The following TBC1D2B variants were observed in gnomAD, a reference collection of about 807,000 sequenced individuals.
TBC1D2B encodes TBC1 domain family, member 2B.
Under a neutral mutation model 100.8 loss-of-function variants are expected in TBC1D2B, and 64 were observed. That is an observed-to-expected ratio of 0.64 (90% CI 0.52 to 0.78). The LOEUF is 0.78. Among genes scored for constraint, TBC1D2B ranks in the 30% least tolerant of loss-of-function variants. The pLI is 0.00. For missense variants in TBC1D2B, 1,052 were observed against 1,218.4 expected, an observed-to-expected ratio of 0.86 and a Z score of 2.03; for synonymous variants, 480 against 479.7, an observed-to-expected ratio of 1.00 and a Z score of -0.01.
chr15:78,075,348 G>A (rs1326127098), intron 1 of TBC1D2B, among the ~76,000 whole-genome samples: 6 of 151,862 alleles, frequency 4.0e-5, no homozygotes, highest in Admixed American at 6.6e-5. Context: ...ACAGGCACCC[G>A]CCACCATGCC....
intron 9 of TBC1D2B, among the ~76,000 whole-genome samples, chr15:78,011,667 T>TAC: frequency 7.6e-6 from 1 of 131,386 alleles, no homozygotes; most frequent in Non-Finnish European, 1.6e-5. Flanking sequence ...TTTTTTTTTT[T>TAC]AGACAGAGTC....
At chr15:78,014,076 T>C (rs2072306743) in intron 8 of TBC1D2B, among the ~76,000 whole-genome samples, 1 of 152,202 alleles carries the variant, frequency 6.6e-6, no homozygotes, top group African/African-American at 2.4e-5. Flanking sequence ...CAACCACAGC[T>C]GACAGCCAGC....
chr15:78,014,808 T>C (rs1014719659), intron 8 of TBC1D2B, among the ~76,000 whole-genome samples: 4 of 152,202 alleles, frequency 2.6e-5, no homozygotes, highest in African/African-American at 9.6e-5. Context: ...CAAAATGATA[T>C]GTATCTGGGA....
intron 9 of TBC1D2B, among the ~76,000 whole-genome samples, chr15:78,009,718 T>TA (rs1374397214): frequency 6.6e-6 from 1 of 152,214 alleles, no homozygotes; most frequent in Admixed American, 6.5e-5. Context: ...CTCACGCCTG[T>TA]AATCCCAGCA....
chr15:78,065,188 G>C (rs2073632428), intron 1 of TBC1D2B, among the ~76,000 whole-genome samples: 1 of 152,172 alleles, frequency 6.6e-6, no homozygotes, highest in Non-Finnish European at 1.5e-5. Context: ...AACACCTTGA[G>C]AGAAAAGCCA....
At position 78,012,831 on chromosome 15, in the gene TBC1D2B, G is replaced by A; in HGVS notation, c.2262C>T (p.Gly754=). The change falls in exon 9 of 13, where the codon GGC becomes GGT. Residue 754 remains glycine, a synonymous_variant. Coordinates refer to ENST00000300584, the MANE Select transcript of TBC1D2B (RefSeq NM_144572.2). ...TTGTGCTGTGCACCCACCTGTTTAG[G>A]CCTTGACAGTAGCCGATATCTGGAT... is the stretch of plus-strand genomic sequence containing the variant. ...WRNPDIGYCQ[G]LNRLVAVALL... 1 of 1,512,536 alleles carries A rather than the reference G, an allele frequency of 6.6e-7. No individual in the cohort carries two copies. Among genetic ancestry groups the A allele is most frequent in the Non-Finnish European group, 8.8e-7 (1 of 1,131,376 alleles). 93.7% of individuals were successfully genotyped at this position (1,512,536 alleles called of 1,614,324 possible).
intron 3 of TBC1D2B, among the ~76,000 whole-genome samples, chr15:78,032,854 A>G (rs1259519388): frequency 6.6e-6 from 1 of 152,154 alleles, no homozygotes; most frequent in South Asian, 2.1e-4. Context: ...CAGAAAAACA[A>G]CAAATGAAAA....
chr15:78,011,470 C>CT (rs201268185), intron 9 of TBC1D2B, among the ~76,000 whole-genome samples: 37,516 of 130,390 alleles, frequency 0.29, 6,300 homozygotes, highest in Non-Finnish European at 0.38. Context: ...TTATCCATAT[C>CT]TTTTTTTTTT....
At chr15:78,077,080 C>T (rs1167527340) in intron 1 of TBC1D2B, among the ~76,000 whole-genome samples, 1 of 152,222 alleles carries the variant, frequency 6.6e-6, no homozygotes, top group Non-Finnish European at 1.5e-5. Context: ...AGAAAGGAGA[C>T]GGGGCTTGGT....
chr15:78,000,634 T>C (rs1026106667), intron 12 of TBC1D2B, among the ~76,000 whole-genome samples: 2 of 152,216 alleles, frequency 1.3e-5, no homozygotes, highest in African/African-American at 4.8e-5. Context: ...AGCGACGACC[T>C]CCAGGAAGCC....
At chr15:78,036,807 C>A (rs1282893650) in intron 3 of TBC1D2B, among the ~76,000 whole-genome samples, 5 of 152,192 alleles carry the variant, frequency 3.3e-5, no homozygotes, top group Admixed American at 6.5e-5. Context: ...AGTAAGCTAT[C>A]GTCCTTCAAA....
intron 1 of TBC1D2B, among the ~76,000 whole-genome samples, chr15:78,065,822 C>G (rs1354967199): frequency 6.6e-6 from 1 of 152,108 alleles, no homozygotes; most frequent in African/African-American, 2.4e-5. Flanking sequence ...AGGCTCCACC[C>G]ACCAGAGATT....
At chr15:78,069,224 C>T (rs900825659) in intron 1 of TBC1D2B, among the ~76,000 whole-genome samples, 4 of 152,148 alleles carry the variant, frequency 2.6e-5, no homozygotes, top group Non-Finnish European at 4.4e-5. Flanking sequence ...TGGTAATGTG[C>T]ATATGAGCAA....
intron 1 of TBC1D2B, among the ~76,000 whole-genome samples, chr15:78,073,045 C>A (rs1030849822): frequency 4.0e-5 from 6 of 151,790 alleles, no homozygotes; most frequent in Admixed American, 1.3e-4. Context: ...CCAACAAAGT[C>A]AAAAAAAAGC....
chr15:78,005,708 C>T (rs1186458021), intron 10 of TBC1D2B, among the ~76,000 whole-genome samples: 1 of 152,190 alleles, frequency 6.6e-6, no homozygotes, highest in Admixed American at 6.5e-5. Flanking sequence ...GGAAATACAT[C>T]AAAATGCTAA....
intron 1 of TBC1D2B, among the ~76,000 whole-genome samples, chr15:78,067,199 T>C (rs2073672738): frequency 6.6e-6 from 1 of 152,232 alleles, no homozygotes; most frequent in Non-Finnish European, 1.5e-5. Flanking sequence ...GTTTCCTCTC[T>C]GTATCACACA....
Position 78,020,684 on chromosome 15 carries a change from G to A in TBC1D2B, c.1471-2727C>T, listed in dbSNP as rs534748598. 7.4e-4 allele frequency among the ~76,000 whole-genome samples: 113 copies of A among 152,266 alleles called. 1 individual carries two copies. The highest frequency in any genetic ancestry group is 2.6e-3 in the African/African-American group (108 of 41,552). ...TGCTCAATGTAAAGCATCACCCCAC[G>A]CTGTTCCACATCCCCTTCCCTCCTG... is the stretch of plus-strand genomic sequence containing the variant. On this transcript the variant is annotated intron_variant, in intron 6 of 12. Coordinates refer to ENST00000300584, the MANE Select transcript of TBC1D2B (RefSeq NM_144572.2).
intron 3 of TBC1D2B, among the ~76,000 whole-genome samples, chr15:78,044,655 C>T (rs762909297): frequency 5.9e-5 from 9 of 152,198 alleles, no homozygotes; most frequent in African/African-American, 9.7e-5. Flanking sequence ...AGCCATATGA[C>T]CTACTTCACA....
In TBC1D2B at chr15:78,049,675, C is replaced by T. The variant is rs376351728; in HGVS notation, c.514+4359G>A. On this transcript the variant is annotated intron_variant, in intron 2 of 12. Coordinates refer to ENST00000300584, the MANE Select transcript of TBC1D2B (RefSeq NM_144572.2). ...TCACCTGCACCAAGTCCCACCAAAT[C>T]TAGGCTGAGGATGTCTCTGCTGACA... Among the ~76,000 whole-genome samples the T allele has an allele frequency of 7.9e-5, 12 of 152,166 alleles. No homozygotes were observed. The East Asian group carries it at 2.3e-3, about 29-fold the overall frequency.
Sources: gnomAD v4.1 joint callset for allele counts (sites outside exome capture counted in the v4.1 genomes callset) on GRCh38, gnomAD v4.1.1 for gene constraint, MANE v1.5 for transcripts, NCBI Gene and HGNC (gene_info 2026-07-23, HGNC 2026-07-21) for gene names.